The following NRXN3 variants were observed in gnomAD, a reference collection of about 807,000 sequenced individuals.
The protein encoded by NRXN3 is neurexin 3.
In NRXN3, 32 loss-of-function variants were observed where a neutral mutation model predicts 137.6. The ratio of observed to expected loss-of-function variants is 0.23; its 90% confidence interval spans 0.18 to 0.31. NRXN3 has a LOEUF of 0.31. Ranked by LOEUF, NRXN3 falls within the 10% of genes least tolerant of loss-of-function variation. NRXN3 has a pLI of 1.00. For synonymous variants in NRXN3, 798 were observed against 784.5 expected (o/e 1.02, Z -0.29); for missense variants, 1,574 against 2,062.5 (o/e 0.76, Z 4.59).
At chr14:79,686,680 G>T (rs2098696508) in intron 17 of NRXN3, among the ~76,000 whole-genome samples, 1 of 152,060 alleles carries the variant, frequency 6.6e-6, no homozygotes, top group Non-Finnish European at 1.5e-5. Context: ...ATAAATGTCT[G>T]GACTTGATTC....
At chr14:78,468,328 C>T (rs1300842873) in intron 4 of NRXN3, among the ~76,000 whole-genome samples, 1 of 152,154 alleles carries the variant, frequency 6.6e-6, no homozygotes, top group African/African-American at 2.4e-5. Context: ...ATGGGGCTGT[C>T]TCTCATCTTT....
chr14:79,263,566 T>C (rs2077969922), intron 15 of NRXN3, among the ~76,000 whole-genome samples: 1 of 152,202 alleles, frequency 6.6e-6, no homozygotes, highest in African/African-American at 2.4e-5. Context: ...TTGAGCACTA[T>C]GCCTTTCTAG....
At chr14:79,068,267 A>AT (rs1241398556) in intron 15 of NRXN3, among the ~76,000 whole-genome samples, 1 of 152,126 alleles carries the variant, frequency 6.6e-6, no homozygotes, top group Non-Finnish European at 1.5e-5. Flanking sequence ...AAGAGAAAGA[A>AT]TACTTTAACT....
At chr14:79,454,900 G>T (rs2096237261) in intron 15 of NRXN3, among the ~76,000 whole-genome samples, 1 of 152,048 alleles carries the variant, frequency 6.6e-6, no homozygotes, top group South Asian at 2.1e-4. Context: ...TACTTTTCAT[G>T]TTTCTGAAAT....
chr14:79,740,712 T>A (rs4903874), intron 19 of NRXN3, among the ~76,000 whole-genome samples: 3,970 of 15,426 alleles, frequency 0.26, 776 homozygotes, highest in African/African-American at 0.37. Flanking sequence ...ATTTAGTTTT[T>A]TATATATATA....
intron 8 of NRXN3, among the ~76,000 whole-genome samples, chr14:78,734,246 CACACA>C (rs2098531039): frequency 6.7e-6 from 1 of 149,296 alleles, no homozygotes; most frequent in Non-Finnish European, 1.5e-5. Flanking sequence ...CACACACACA[CACACA>C]CACCCTTTTC....
At chr14:79,323,985 C>A (rs149172496) in intron 15 of NRXN3, among the ~76,000 whole-genome samples, 1 of 152,206 alleles carries the variant, frequency 6.6e-6, no homozygotes, top group Non-Finnish European at 1.5e-5. Context: ...TATATTATTT[C>A]TATTGCTGGT....
At chr14:79,151,502 G>T (rs375287730) in intron 15 of NRXN3, among the ~76,000 whole-genome samples, 3 of 152,056 alleles carry the variant, frequency 2.0e-5, no homozygotes, top group Non-Finnish European at 2.9e-5. Context: ...TTGATGCCAC[G>T]AATCAACTGG....
chr14:79,443,733 T>C (rs2096007413), intron 15 of NRXN3, among the ~76,000 whole-genome samples: 1 of 152,188 alleles, frequency 6.6e-6, no homozygotes, highest in African/African-American at 2.4e-5. Flanking sequence ...TCCTATTTAT[T>C]ATCCTTAAGA....
intron 17 of NRXN3, among the ~76,000 whole-genome samples, chr14:79,675,775 A>G (rs559517165): frequency 3.7e-4 from 57 of 152,204 alleles, no homozygotes; most frequent in African/African-American, 1.3e-3. Flanking sequence ...TTAATTCAAC[A>G]CCAAAGACAG....
At chr14:78,525,446 C>G (rs1352010935) in intron 4 of NRXN3, among the ~76,000 whole-genome samples, 1 of 152,054 alleles carries the variant, frequency 6.6e-6, no homozygotes, top group African/African-American at 2.4e-5. Flanking sequence ...ATTTGCATAA[C>G]CAAGGAAATT....
At chr14:78,595,574 C>T (rs1031059800) in intron 4 of NRXN3, among the ~76,000 whole-genome samples, 2 of 152,156 alleles carry the variant, frequency 1.3e-5, no homozygotes, top group Admixed American at 6.5e-5. Flanking sequence ...CTCCAAATCA[C>T]ACTGGCTATA....
At chr14:79,071,987 AATAG>A (rs1313025874) in intron 15 of NRXN3, 2 of 151,854 alleles carry the variant, frequency 1.3e-5, no homozygotes, top group African/African-American at 4.8e-5. Flanking sequence ...TGAATGGTTG[AATAG>A]ATAGGCAGAT....
intron 16 of NRXN3, among the ~76,000 whole-genome samples, chr14:79,563,349 C>T (rs1172080357): frequency 1.3e-5 from 2 of 152,088 alleles, no homozygotes; most frequent in Non-Finnish European, 2.9e-5. Context: ...TCACCCTTCA[C>T]TTGTGCCCTA....
At chr14:78,301,627 A>G (rs2076886302) in intron 4 of NRXN3, among the ~76,000 whole-genome samples, 1 of 152,182 alleles carries the variant, frequency 6.6e-6, no homozygotes, top group South Asian at 2.1e-4. Context: ...TATCTCAATG[A>G]GTCTGTGTGC....
chr14:79,621,956 AG>A lies in NRXN3; in HGVS notation c.3445-41821del, dbSNP rs375658627. 1.1e-4 allele frequency among the ~76,000 whole-genome samples: 16 copies of A among 152,286 alleles called. No individual in the cohort carries two copies. The East Asian group carries it at 1.7e-3, about 17-fold the overall frequency. ...TATTTGTTTCAAATGTAGAATCTCA[AG>A]CCCCACTCCAAACTTAACTGGATAA... is the stretch of plus-strand genomic sequence containing the variant. On this transcript the variant is annotated intron_variant, in intron 16 of 20. Transcript: ENST00000335750.
At chr14:78,767,482 C>T (rs1029488916) in intron 8 of NRXN3, among the ~76,000 whole-genome samples, 5 of 152,126 alleles carry the variant, frequency 3.3e-5, no homozygotes, top group African/African-American at 7.2e-5. Flanking sequence ...TGAAGAGGAC[C>T]GTGTCACCCT....
intron 15 of NRXN3, among the ~76,000 whole-genome samples, chr14:79,139,009 T>A (rs1486020870): frequency 6.6e-6 from 1 of 152,174 alleles, no homozygotes; most frequent in East Asian, 1.9e-4. Context: ...AATTTGCAGG[T>A]GATGCACCTG....
intron 19 of NRXN3, among the ~76,000 whole-genome samples, chr14:79,768,543 C>T (rs184375091): frequency 4.6e-5 from 7 of 152,254 alleles, no homozygotes; most frequent in African/African-American, 9.6e-5. Flanking sequence ...GGTACTCCAA[C>T]GGACCTGCCG....
Sources: allele counts gnomAD v4.1 joint callset (sites outside exome capture counted in the v4.1 genomes callset), GRCh38; gene constraint gnomAD v4.1.1; transcripts MANE v1.5; gene names NCBI Gene and HGNC (gene_info 2026-07-23, HGNC 2026-07-21).